Variants in ITGA3 observed in about 807,000 individuals in gnomAD.
The protein encoded by ITGA3 is integrin subunit alpha 3, also known as integrin alpha-3.
A neutral mutation model predicts 131.1 loss-of-function variants in ITGA3; 70 were observed. That is an observed-to-expected ratio of 0.53 (90% CI 0.44 to 0.65). ITGA3 has a LOEUF of 0.65. Ranked by LOEUF, ITGA3 falls within the 30% of genes least tolerant of loss-of-function variation. The pLI, the probability that ITGA3 is intolerant of heterozygous loss-of-function variation, is 0.00. For missense variants in ITGA3, 1,098 were observed against 1,388.6 expected (o/e 0.79, Z 3.33); for synonymous variants, 537 against 571.6 (o/e 0.94, Z 0.86).
chr17:50,075,702 G>T lies in ITGA3; in HGVS notation c.1641G>T (p.Glu547Asp), dbSNP rs1908857910. The change falls in exon 12 of 26, where the codon GAG (glutamate) becomes GAT (aspartate). Residue 547 changes from glutamate (E) to aspartate (D), a missense_variant. Coordinates refer to ENST00000320031, the MANE Select transcript of ITGA3 (RefSeq NM_002204.4). ...TCCACGGCTTCTTCTCCATGCCCGA[G>T]ATGCGCTGCCAGAAGCTGGAGCTGC... ...AVFHGFFSMP[E>D]MRCQKLELLL... 8.1e-6 allele frequency: 13 copies of T among 1,614,168 alleles called. No individual in the cohort carries two copies. Among genetic ancestry groups the T allele is most frequent in the Non-Finnish European group, 1.1e-5 (13 of 1,180,014 alleles).
At chr17:50,088,893 C>G (rs1167698334) in intron 25 of ITGA3, among the ~76,000 whole-genome samples, 1 of 152,184 alleles carries the variant, frequency 6.6e-6, no homozygotes, top group Non-Finnish European at 1.5e-5. Flanking sequence ...CCATCTGCCT[C>G]TTCCTCTGCT....
intron 23 of ITGA3, among the ~76,000 whole-genome samples, chr17:50,085,840 TATA>T (rs1309224720): frequency 2.0e-4 from 15 of 73,962 alleles, no homozygotes; most frequent in African/African-American, 5.6e-4. Context: ...GATTATACAT[TATA>T]GATTTATAAT....
At chr17:50,088,080 C>CT in intron 24 of ITGA3, 145 bp from the exon 25 acceptor site, 3 of 1,267,132 alleles carry the variant, frequency 2.4e-6, no homozygotes, top group Non-Finnish European at 3.2e-6. Flanking sequence ...GACCCAGGAG[C>CT]TCTGGCTTCT....
intron 23 of ITGA3, among the ~76,000 whole-genome samples, chr17:50,084,230 CAAA>C (rs61103198): frequency 7.4e-5 from 2 of 26,980 alleles, no homozygotes; most frequent in East Asian, 8.9e-4. Context: ...GACTCTGTCT[CAAA>C]AAAAAAAAAA....
At chr17:50,070,491 C>CA (rs1249622650) in intron 4 of ITGA3, among the ~76,000 whole-genome samples, 5 of 151,664 alleles carry the variant, frequency 3.3e-5, no homozygotes, top group African/African-American at 1.2e-4. Flanking sequence ...ACTGAAAATA[C>CA]AAAAATTAGC....
rs111228353 is a variant in ITGA3 at position 50,076,730 on chromosome 17, C to A, written c.1922+49C>A. 7.6e-5 allele frequency: 113 copies of A among 1,486,494 alleles called. No individual in the cohort carries two copies. The African/African-American group carries it at 1.3e-3, about 17-fold the overall frequency. 92.1% of individuals were successfully genotyped at this position (1,486,494 alleles called of 1,614,324 possible). A position where few individuals can be genotyped will look rare whatever the true frequency, so the allele number is the denominator to read the frequency against. On this transcript the variant is annotated intron_variant, in intron 14 of 25. Coordinates refer to ENST00000320031, the MANE Select transcript of ITGA3 (RefSeq NM_002204.4). ...TTAATCGGCCAAGGGTGGGACGGGG[C>A]CTCATTAACTGGCAGGGTGGGGGCG...
chr17:50,079,367 T>C, intron 20 of ITGA3, 68 bp from the exon 21 acceptor site: 2 of 1,551,620 alleles, frequency 1.3e-6, no homozygotes, highest in South Asian at 2.5e-5. Context: ...TCCTACCCTT[T>C]CCTTTCCTGC....
rs950252557 is a variant in ITGA3, at chr17:50,076,267, G to C, written c.1675-59G>C. 2.6e-6 allele frequency: 4 copies of C among 1,567,958 alleles called. No homozygotes were observed. In the Admixed American group the frequency reaches 5.2e-5, roughly 20 times the overall value. ...TTCTCTGGGGTTCAGGGTGGTGTGAGGATTCAGCTGGGGCAGGGAGCAGTG... is the reference window on the plus strand; with the variant it reads ...TTCTCTGGGGTTCAGGGTGGTGTGACGATTCAGCTGGGGCAGGGAGCAGTG... On this transcript the variant is annotated intron_variant, in intron 12 of 25. Coordinates refer to ENST00000320031, the MANE Select transcript of ITGA3 (RefSeq NM_002204.4).
In ITGA3 at chr17:50,064,066, C is replaced by G; in HGVS notation, c.207-11C>G. On this transcript the variant is annotated splice_polypyrimidine_tract_variant and intron_variant, in intron 1 of 25. Transcript: ENST00000320031. This position sits in a 1 kb window ranked among gnomAD's most constrained non-coding sequence, Gnocchi z 4.4. ...GTCTGAACCCGGACCCACCTCCGTC[C>G]CTATCCCCAGGCTCCTGGCTGGTGC... 6.2e-7 allele frequency: 1 copy of G among 1,612,396 alleles called. No homozygotes were observed. Among genetic ancestry groups the G allele is most frequent in the African/African-American group, 1.3e-5 (1 of 74,958 alleles).
chr17:50,064,277 G>C lies in ITGA3; in HGVS notation c.334+73G>C. ...GGGGGTACCGCAGAGAGAATGGCCT[G>C]GAGGAGATAGAAGGCTTGTTCACAC... On this transcript the variant is annotated intron_variant, in intron 2 of 25. Transcript: ENST00000320031. This position sits in a 1 kb window ranked among gnomAD's most constrained non-coding sequence, Gnocchi z 4.4. The C allele has an allele frequency of 7.8e-6, 12 of 1,530,864 alleles. No individual in the cohort carries two copies. Among genetic ancestry groups the C allele is most frequent in the Non-Finnish European group, 1.1e-5 (12 of 1,135,180 alleles). The allele number at this position is 1,530,864 out of a possible 1,614,324, so 94.8% of individuals were successfully genotyped here. A position where few individuals can be genotyped will look rare whatever the true frequency, so the allele number is the denominator to read the frequency against.
chr17:50,078,960 T>C, intron 19 of ITGA3, 34 bp downstream of exon 19: 1 of 1,533,712 alleles, frequency 6.5e-7, no homozygotes, highest in Non-Finnish European at 9.0e-7. Context: ...GGCTGGGGAC[T>C]TCTAGGAAGG....
At chr17:50,058,473 G>A (rs1404183925) in intron 1 of ITGA3, among the ~76,000 whole-genome samples, 2 of 152,222 alleles carry the variant, frequency 1.3e-5, no homozygotes, top group Non-Finnish European at 2.9e-5. Context: ...AGGCTCTTGC[G>A]CTGAGGCCAG....
At chr17:50,085,515 T>C (rs2144317497) in intron 23 of ITGA3, among the ~76,000 whole-genome samples, 1 of 151,426 alleles carries the variant, frequency 6.6e-6, no homozygotes, top group Non-Finnish European at 1.5e-5. Context: ...AATACAAAAA[T>C]GAGCTGGTTG....
Position 50,077,552 on chromosome 17 carries a change from G to C in ITGA3, c.2139+105G>C, listed in dbSNP as rs1290743525. On this transcript the variant is annotated intron_variant, in intron 16 of 25. Coordinates refer to ENST00000320031, the MANE Select transcript of ITGA3 (RefSeq NM_002204.4). The stretch of plus-strand genomic sequence containing the variant: ...GCCTGCCTGCTTTCTGGGCTCCCTC[G>C]AAGTGGAGAGCCACAGTGCGGGAGG... 9 of 892,970 alleles carry C rather than the reference G, an allele frequency of 1.0e-5. No individual in the cohort carries two copies. The East Asian group carries it at 1.5e-4, about 14-fold the overall frequency. 55.3% of individuals were successfully genotyped at this position (892,970 alleles called of 1,614,324 possible). A position where few individuals can be genotyped will look rare whatever the true frequency, so the allele number is the denominator to read the frequency against.
At position 50,064,148 on chromosome 17, in the gene ITGA3, T is replaced by C; in HGVS notation, c.278T>C (p.Leu93Pro). The C allele has an allele frequency of 6.2e-7, 1 of 1,611,824 alleles. No individual in the cohort carries two copies. Residue 93 changes from leucine (L) to proline (P), a missense_variant, in exon 2 of 26, where the codon CTG becomes CCG. Leu to Pro is a moderately conservative substitution (Grantham distance 98, BLOSUM62 -3). Around this residue, in one of 3 missense-constraint regions of ITGA3, gnomAD observed 356 missense variants for 529.2 expected, o/e 0.67. Transcript: ENST00000320031. The surrounding 1 kb of genome is among the most constrained non-coding windows in gnomAD (Gnocchi z 4.4). ...GYTNRTGAVYLCPLTAHKDDC... is the reference protein window; with the variant it reads ...GYTNRTGAVYPCPLTAHKDDC... ...ACCAACCGGACTGGTGCTGTGTACC[T>C]GTGCCCACTCACTGCCCACAAGGAT...
Position 50,081,269 on chromosome 17 carries a change from G to T in ITGA3, c.2821-41G>T, listed in dbSNP as rs148129560. The T allele has an allele frequency of 5.0e-4, 650 of 1,298,750 alleles. 6 individuals carry two copies. In the African/African-American group the frequency reaches 8.9e-3, roughly 18 times the overall value. The allele number at this position is 1,298,750 out of a possible 1,614,324, so 80.5% of individuals were successfully genotyped here. On this transcript the variant is annotated intron_variant, in intron 22 of 25. Coordinates refer to ENST00000320031, the MANE Select transcript of ITGA3 (RefSeq NM_002204.4). The stretch of plus-strand genomic sequence containing the variant: ...TAGGGTCGGAGGTAGGCTCAGAGAA[G>T]TGTCAAGTGTTCCCCTTGACCCACC...
chr17:50,079,163 C>T lies in ITGA3; in HGVS notation c.2488C>T (p.Leu830=). 1 of 1,614,006 alleles carries T rather than the reference C, an allele frequency of 6.2e-7. No individual in the cohort carries two copies. The highest frequency in any genetic ancestry group is 8.5e-7 in the Non-Finnish European group (1 of 1,179,954). ...WPYEVSNGKW[L]LYPTEITVHG... ...CTACGAAGTCAGCAATGGCAAGTGGCTGCTGTATCCCACGGAGATCACCGT... is the reference window on the plus strand; with the variant it reads ...CTACGAAGTCAGCAATGGCAAGTGGTTGCTGTATCCCACGGAGATCACCGT... The change falls in exon 20 of 26, where the codon CTG becomes TTG. Residue 830 remains leucine, a synonymous_variant. Transcript: ENST00000320031.
In ITGA3 at chr17:50,087,875, T is replaced by A. The variant is rs1342869562; in HGVS notation, c.3045+6T>A. 1 of 1,572,546 alleles carries A rather than the reference T, an allele frequency of 6.4e-7. No individual in the cohort carries two copies. Among genetic ancestry groups the A allele is most frequent in the Non-Finnish European group, 8.6e-7 (1 of 1,157,932 alleles). On this transcript the variant is annotated splice_donor_region_variant and intron_variant, in intron 24 of 25. Coordinates refer to ENST00000320031, the MANE Select transcript of ITGA3 (RefSeq NM_002204.4). ...TCATCCTCCTGCTGTGGAAGGTTAG[T>A]AGCCCAGCCCACTCCTGCTCCGGGA...
chr17:50,075,673 G>C lies in ITGA3; in HGVS notation c.1612G>C (p.Val538Leu). Reference protein sequence around the residue: ...RLRFAGSESAVFHGFFSMPEM... With the variant: ...RLRFAGSESALFHGFFSMPEM... The stretch of plus-strand genomic sequence containing the variant: ...CCGCTTTGCCGGCAGTGAGTCCGCT[G>C]TCTTCCACGGCTTCTTCTCCATGCC... The change falls in exon 12 of 26, where the codon GTC becomes CTC. Residue 538 changes from valine to leucine, a missense_variant. Coordinates refer to ENST00000320031, the MANE Select transcript of ITGA3 (RefSeq NM_002204.4). 3.1e-6 allele frequency: 5 copies of C among 1,614,208 alleles called. No homozygotes were observed. The highest frequency in any genetic ancestry group is 4.2e-6 in the Non-Finnish European group (5 of 1,180,038).
Sources: gnomAD v4.1 joint callset for allele counts (sites outside exome capture counted in the v4.1 genomes callset) on GRCh38, gnomAD v4.1.1 for gene constraint, gnomAD v4.1.1 regional missense constraint, Gnocchi (gnomAD v3.1) non-coding constraint, MANE v1.5 for transcripts, NCBI Gene and HGNC (gene_info 2026-07-23, HGNC 2026-07-21) for gene names.